The following CACNA2D1 variants were observed in gnomAD, a reference collection of about 807,000 sequenced individuals.
CACNA2D1 encodes voltage-dependent calcium channel subunit alpha-2/delta-1.
Under a neutral mutation model 171.5 loss-of-function variants are expected in CACNA2D1, and 53 were observed. That is an observed-to-expected ratio of 0.31 (90% CI 0.25 to 0.39). The LOEUF is 0.39. Ranked by LOEUF, CACNA2D1 falls within the 10% of genes least tolerant of loss-of-function variation. CACNA2D1 has a pLI of 1.00. For synonymous variants in CACNA2D1, 442 were observed against 443.1 expected, an observed-to-expected ratio of 1.00 and a Z score of 0.03; for missense variants, 903 against 1,299.8, an observed-to-expected ratio of 0.69 and a Z score of 4.69.
At chr7:81,983,426 T>G (rs1796640625) in intron 22 of CACNA2D1, 92 bp from the exon 23 acceptor site, 17 of 924,814 alleles carry the variant, frequency 1.8e-5, no homozygotes, top group Non-Finnish European at 3.0e-5. Context: ...ATTCAATGAC[T>G]TTCTTGAATA....
At chr7:82,087,953 T>C (rs996372617) in intron 6 of CACNA2D1, among the ~76,000 whole-genome samples, 2 of 152,168 alleles carry the variant, frequency 1.3e-5, no homozygotes, top group African/African-American at 4.8e-5. Flanking sequence ...GCCATTTCCA[T>C]TGTATTTATA....
At position 81,989,364 on chromosome 7, in the gene CACNA2D1, G is replaced by A. The variant is rs796986143; in HGVS notation, c.1796+1821C>T. Among the ~76,000 whole-genome samples the A allele has an allele frequency of 4.6e-5, 7 of 152,320 alleles. No homozygotes were observed. The East Asian group carries it at 7.7e-4, about 17-fold the overall frequency. On this transcript the variant is annotated intron_variant, in intron 21 of 38. Coordinates refer to ENST00000356860, the MANE Select transcript of CACNA2D1 (RefSeq NM_000722.4). The stretch of plus-strand genomic sequence containing the variant: ...ATGAAACAGTCTACTCAAGGGTTAA[G>A]ATCCTTCTTGTGATTGTGTTGAGAA...
intron 1 of CACNA2D1, among the ~76,000 whole-genome samples, chr7:82,383,418 A>G (rs1273454322): frequency 6.6e-6 from 1 of 152,186 alleles, no homozygotes; most frequent in Admixed American, 6.5e-5. Flanking sequence ...AGAGAAATAG[A>G]GCAGCAAAAA....
In CACNA2D1 at chr7:82,013,484, C is replaced by A; in HGVS notation, c.1249G>T (p.Gly417Cys). Reference protein sequence around the residue: ...KGYYYEIPSIGAIRINTQEYL... With the variant: ...KGYYYEIPSICAIRINTQEYL... ...ACCTGAGTATTGATTCTTATTGCAC[C>A]AATGGAAGGAATTTCATAATAATAA... The change falls in exon 14 of 39, where the codon GGT becomes TGT. Residue 417 changes from glycine to cysteine, a missense_variant. Transcript: ENST00000356860. The A allele has an allele frequency of 9.3e-7, 1 of 1,077,680 alleles. No individual in the cohort carries two copies. The highest frequency in any genetic ancestry group is 1.8e-5 in the South Asian group (1 of 54,716). The allele number at this position is 1,077,680 out of a possible 1,614,324, so 66.8% of individuals were successfully genotyped here. A position where few individuals can be genotyped will look rare whatever the true frequency, so the allele number is the denominator to read the frequency against.
At chr7:82,113,468 G>A (rs114082839) in intron 6 of CACNA2D1, among the ~76,000 whole-genome samples, 3,667 of 152,166 alleles carry the variant, frequency 0.024, 137 homozygotes, top group African/African-American at 0.083. Flanking sequence ...CTCAAAAATG[G>A]AGATTTTGAG....
chr7:82,387,614 G>A (rs1242224613), intron 1 of CACNA2D1, among the ~76,000 whole-genome samples: 2 of 152,078 alleles, frequency 1.3e-5, no homozygotes, highest in Admixed American at 6.6e-5. Flanking sequence ...GAAAACACCC[G>A]ATTTTATGAT....
At chr7:82,136,737 A>C in intron 4 of CACNA2D1, 61 bp from the exon 5 acceptor site, 6 of 1,094,188 alleles carry the variant, frequency 5.5e-6, no homozygotes, top group Non-Finnish European at 6.7e-6. Context: ...TCAAATACTG[A>C]ATACATTTTA....
intron 1 of CACNA2D1, among the ~76,000 whole-genome samples, chr7:82,359,920 A>T (rs1452824497): frequency 6.6e-6 from 1 of 152,180 alleles, no homozygotes; most frequent in Non-Finnish European, 1.5e-5. Context: ...TTGTGAACAT[A>T]CTCTTTAATT....
intron 20 of CACNA2D1, among the ~76,000 whole-genome samples, chr7:81,993,443 G>A (rs1284308593): frequency 3.3e-5 from 5 of 152,090 alleles, no homozygotes. Flanking sequence ...ACCTAAGCCT[G>A]TGGAATTCAG....
chr7:82,112,723 C>CTAT (rs1206866768), intron 6 of CACNA2D1, among the ~76,000 whole-genome samples: 1 of 152,170 alleles, frequency 6.6e-6, no homozygotes, highest in African/African-American at 2.4e-5. Flanking sequence ...TAAATGTAAA[C>CTAT]TATTAGCAAG....
intron 1 of CACNA2D1, among the ~76,000 whole-genome samples, chr7:82,353,711 A>G (rs1030106310): frequency 6.6e-6 from 1 of 152,160 alleles, no homozygotes; most frequent in Non-Finnish European, 1.5e-5. Context: ...ACAGTCATCA[A>G]ATAAGGTGAG....
chr7:82,316,756 A>G (rs1006496337), intron 3 of CACNA2D1, among the ~76,000 whole-genome samples: 1 of 152,174 alleles, frequency 6.6e-6, no homozygotes, highest in African/African-American at 2.4e-5. Flanking sequence ...AAGGCACAGG[A>G]GAAGCAAAGG....
intron 3 of CACNA2D1, among the ~76,000 whole-genome samples, chr7:82,275,276 A>G (rs1426686063): frequency 6.6e-6 from 1 of 152,168 alleles, no homozygotes; most frequent in African/African-American, 2.4e-5. Context: ...AAACAATACC[A>G]CATTTGAACT....
chr7:81,982,687 A>G, intron 23 of CACNA2D1, 60 bp from the exon 24 acceptor site: 3 of 1,027,706 alleles, frequency 2.9e-6, no homozygotes, highest in East Asian at 2.4e-5. Context: ...CAGAGATTCT[A>G]TAACAATAAG....
intron 5 of CACNA2D1, among the ~76,000 whole-genome samples, chr7:82,119,256 T>C (rs1337595994): frequency 6.6e-6 from 1 of 152,168 alleles, no homozygotes; most frequent in Non-Finnish European, 1.5e-5. Flanking sequence ...TACAAATGTG[T>C]ACAGAGAAAA....
chr7:82,052,952 G>A (rs1805359743), intron 10 of CACNA2D1, among the ~76,000 whole-genome samples: 1 of 152,140 alleles, frequency 6.6e-6, no homozygotes, highest in African/African-American at 2.4e-5. Context: ...ACTTAGAACA[G>A]TGTCTGCCAC....
chr7:82,081,377 G>A (rs769544627), intron 7 of CACNA2D1, among the ~76,000 whole-genome samples: 20 of 152,020 alleles, frequency 1.3e-4, no homozygotes, highest in East Asian at 1.2e-3. Flanking sequence ...AAACACAATC[G>A]CCCACTTTTA....
At chr7:82,245,209 T>C (rs1585205753) in intron 3 of CACNA2D1, among the ~76,000 whole-genome samples, 1 of 152,272 alleles carries the variant, frequency 6.6e-6, no homozygotes, top group East Asian at 1.9e-4. Context: ...TGGCAAACAC[T>C]ATGCCAGCCA....
chr7:82,005,436 T>C lies in CACNA2D1; in HGVS notation c.1577A>G (p.Asn526Ser), dbSNP rs2130867076. 1.9e-6 allele frequency: 3 copies of C among 1,591,514 alleles called. No homozygotes were observed. Among genetic ancestry groups the C allele is most frequent in the East Asian group, 2.2e-5 (1 of 44,578 alleles). ...TTATATACTGACCTTTGGCTGAAGA[T>C]TTGGATGTAATAAAACATAACCATT... ...DPNGYVLLHPNLQPKNPKSQE... is the reference protein window; with the variant it reads ...DPNGYVLLHPSLQPKNPKSQE... The change falls in exon 18 of 39, where the codon AAT becomes AGT. Residue 526 changes from asparagine to serine, a missense_variant. Physicochemically the swap from Asn to Ser is conservative, Grantham distance 46. This residue lies in a region of CACNA2D1 where 623 missense variants were observed against 925.5 expected (regional missense o/e 0.67). Transcript: ENST00000356860.
Sources: gnomAD v4.1 joint callset for allele counts (sites outside exome capture counted in the v4.1 genomes callset) on GRCh38, gnomAD v4.1.1 for gene constraint, gnomAD v4.1.1 regional missense constraint, MANE v1.5 for transcripts, NCBI Gene and HGNC (gene_info 2026-07-23, HGNC 2026-07-21) for gene names.